CCDC178: variants seen among roughly 807,000 people sequenced by gnomAD.
CCDC178 encodes coiled-coil domain containing 178, also known as coiled-coil domain-containing protein 178.
A neutral mutation model predicts 117.4 loss-of-function variants in CCDC178; 126 were observed. The observed-to-expected ratio is 1.07, with a 90% CI of 0.93 to 1.24. CCDC178 has a LOEUF of 1.24. CCDC178 is among the 50% of genes most tolerant of loss of function. The pLI, the probability that CCDC178 is intolerant of heterozygous loss-of-function variation, is 0.00. For missense variants in CCDC178, 1,030 were observed against 986.9 expected (o/e 1.04, Z -0.59); for synonymous variants, 283 against 313.4 (o/e 0.90, Z 1.02).
At chr18:33,254,457 T>G (rs1021007930) in intron 14 of CCDC178, among the ~76,000 whole-genome samples, 1 of 152,102 alleles carries the variant, frequency 6.6e-6, no homozygotes, top group Admixed American at 6.6e-5. Context: ...ATTGATTATA[T>G]GTCAACAGCT....
At chr18:33,227,556 GTATATATA>G (rs145380258) in intron 15 of CCDC178, among the ~76,000 whole-genome samples, 53 of 110,962 alleles carry the variant, frequency 4.8e-4, no homozygotes, top group East Asian at 1.7e-3. Context: ...GTGTGTGTGT[GTATATATA>G]TATATATATA....
chr18:32,959,781 A>C (rs1020218941), intron 22 of CCDC178, among the ~76,000 whole-genome samples: 3 of 152,050 alleles, frequency 2.0e-5, no homozygotes, highest in African/African-American at 7.2e-5. Flanking sequence ...TTTCAAACGA[A>C]AAGTTCTGTC....
At chr18:33,198,868 T>C (rs2058962936) in intron 20 of CCDC178, among the ~76,000 whole-genome samples, 3 of 152,156 alleles carry the variant, frequency 2.0e-5, no homozygotes, top group African/African-American at 7.2e-5. Flanking sequence ...TAACAAAGCA[T>C]ATTAAAATGA....
rs60997290 is a variant in CCDC178, at chr18:33,202,391, T to TAAA, written c.2238+9502_2238+9504dup. The stretch of plus-strand genomic sequence containing the variant: ...CTGGCAACAGAGCAAGACTCCATCT[T>TAAA]AAAAAAAAAAAAAAAAAAAAAAAAA... On this transcript the variant is annotated intron_variant, in intron 20 of 22. Transcript: ENST00000383096. 6.0e-3 allele frequency among the ~76,000 whole-genome samples: 122 copies of TAAA among 20,280 alleles called. 11 individuals carry two copies. The highest frequency in any genetic ancestry group is 7.4e-3 in the Non-Finnish European group (79 of 10,612). The allele number at this position is 20,280 out of a possible 152,430, so 13.3% of individuals were successfully genotyped here.
chr18:33,267,094 T>G, intron 13 of CCDC178, 42 bp from the exon 14 acceptor site: 2 of 1,547,774 alleles, frequency 1.3e-6, no homozygotes, highest in Non-Finnish European at 1.7e-6. Flanking sequence ...CATGTCTAAT[T>G]ATCAAAAGGC....
intron 20 of CCDC178, among the ~76,000 whole-genome samples, chr18:33,109,861 C>A (rs271441): frequency 0.095 from 14,385 of 151,478 alleles, 885 homozygotes; most frequent in African/African-American, 0.17. Flanking sequence ...AATTTATGCA[C>A]TCTGCTGTCC....
At chr18:33,220,040 A>T (rs1377868217) in intron 18 of CCDC178, among the ~76,000 whole-genome samples, 1 of 152,066 alleles carries the variant, frequency 6.6e-6, no homozygotes, top group Non-Finnish European at 1.5e-5. Flanking sequence ...ATTTGGAAAA[A>T]GCCCTAAAGT....
At chr18:33,165,720 TA>T (rs2058520497) in intron 20 of CCDC178, among the ~76,000 whole-genome samples, 5 of 151,892 alleles carry the variant, frequency 3.3e-5, no homozygotes, top group Admixed American at 3.3e-4. Context: ...ATGTTTTATT[TA>T]AAAAAAAGGC....
chr18:33,170,463 A>G (rs2058585167), intron 20 of CCDC178, among the ~76,000 whole-genome samples: 1 of 152,144 alleles, frequency 6.6e-6, no homozygotes, highest in South Asian at 2.1e-4. Flanking sequence ...AAATGAAGTA[A>G]TTACTCTGGA....
intron 12 of CCDC178, among the ~76,000 whole-genome samples, chr18:33,282,357 A>G (rs751876176): frequency 6.6e-6 from 1 of 152,210 alleles, no homozygotes; most frequent in East Asian, 1.9e-4. Context: ...GTTGGCCACC[A>G]TACCTCTAGG....
Position 33,354,803 on chromosome 18 carries a change from C to T in CCDC178, c.371+1521G>A, listed in dbSNP as rs756069152. 1.7e-4 allele frequency among the ~76,000 whole-genome samples: 26 copies of T among 152,012 alleles called. No individual in the cohort carries two copies. The East Asian group carries it at 1.7e-3, about 10-fold the overall frequency. On this transcript the variant is annotated intron_variant, in intron 7 of 22. Transcript: ENST00000383096. ...TTTTTGTATTTGTTTTTAGTAAAGA[C>T]GGGGTTTCACCATATTGGCCAGGCT...
At chr18:33,199,803 A>C (rs2058972815) in intron 20 of CCDC178, among the ~76,000 whole-genome samples, 1 of 152,138 alleles carries the variant, frequency 6.6e-6, no homozygotes, top group Non-Finnish European at 1.5e-5. Context: ...TATTCTGTTA[A>C]CTGAATTTCA....
chr18:33,303,795 T>C (rs1405810483), intron 11 of CCDC178, among the ~76,000 whole-genome samples: 2 of 152,178 alleles, frequency 1.3e-5, no homozygotes, highest in African/African-American at 4.8e-5. Context: ...AGTTCAAGGA[T>C]ATTTTTAGGG....
intron 20 of CCDC178, among the ~76,000 whole-genome samples, chr18:33,192,033 A>G (rs559879271): frequency 6.6e-6 from 1 of 152,330 alleles, no homozygotes; most frequent in South Asian, 2.1e-4. Flanking sequence ...ATATTTAGCC[A>G]TAACTGTAGC....
At chr18:32,940,565 T>C (rs1198594943) in intron 22 of CCDC178, among the ~76,000 whole-genome samples, 13 of 151,882 alleles carry the variant, frequency 8.6e-5, no homozygotes, top group Admixed American at 1.3e-4. Flanking sequence ...AACTTTTTTG[T>C]TTTGTAACTC....
chr18:33,315,802 C>T (rs2062406448), intron 11 of CCDC178, among the ~76,000 whole-genome samples: 1 of 152,196 alleles, frequency 6.6e-6, no homozygotes, highest in Admixed American at 6.5e-5. Flanking sequence ...GTTTACTAAA[C>T]AGACCCAGAT....
intron 21 of CCDC178, among the ~76,000 whole-genome samples, chr18:33,035,910 T>C (rs914377194): frequency 2.6e-5 from 4 of 152,066 alleles, no homozygotes; most frequent in Non-Finnish European, 5.9e-5. Context: ...TGACTTTTTT[T>C]AGTTTGATTA....
At chr18:33,174,623 A>T (rs1025471787) in intron 20 of CCDC178, among the ~76,000 whole-genome samples, 1 of 152,160 alleles carries the variant, frequency 6.6e-6, no homozygotes, top group East Asian at 1.9e-4. Context: ...TGAGGATAAG[A>T]CAAATCCTTT....
At chr18:32,987,626 A>G (rs1402618277) in intron 21 of CCDC178, among the ~76,000 whole-genome samples, 1 of 152,212 alleles carries the variant, frequency 6.6e-6, no homozygotes, top group Non-Finnish European at 1.5e-5. Flanking sequence ...ACTTATATAC[A>G]TTAAAACATA....
Sources: gnomAD v4.1 joint callset for allele counts (sites outside exome capture counted in the v4.1 genomes callset) on GRCh38, gnomAD v4.1.1 for gene constraint, MANE v1.5 for transcripts, NCBI Gene and HGNC (gene_info 2026-07-23, HGNC 2026-07-21) for gene names.